SYNE1: variants seen among roughly 807,000 people sequenced by gnomAD.
SYNE1 encodes spectrin repeat containing nuclear envelope protein 1.
Under a neutral mutation model 1,111.0 loss-of-function variants are expected in SYNE1, and 616 were observed. The ratio of observed to expected loss-of-function variants is 0.55; its 90% CI spans 0.52 to 0.59. The LOEUF is 0.59. Among genes scored for constraint, SYNE1 ranks in the 20% least tolerant of loss-of-function variants. SYNE1 has a pLI of 0.00. For missense variants in SYNE1, 10,006 were observed against 10,417.0 expected, an observed-to-expected ratio of 0.96 and a Z score of 1.72; for synonymous variants, 3,855 against 3,825.8, an observed-to-expected ratio of 1.01 and a Z score of -0.28.
At chr6:152,154,275 T>C (rs2060950096) in intron 133 of SYNE1, among the ~76,000 whole-genome samples, 1 of 152,180 alleles carries the variant, frequency 6.6e-6, no homozygotes, top group South Asian at 2.1e-4. Context: ...TGGAATCAAT[T>C]CTTGGATAAC....
intron 82 of SYNE1, among the ~76,000 whole-genome samples, chr6:152,323,236 G>A: frequency 6.6e-6 from 1 of 152,094 alleles, no homozygotes; most frequent in Non-Finnish European, 1.5e-5. Context: ...GGATCACGAG[G>A]TCAGGAGATC....
intron 3 of SYNE1, among the ~76,000 whole-genome samples, chr6:152,597,052 T>C (rs1037689932): frequency 2.6e-5 from 4 of 152,210 alleles, no homozygotes; most frequent in Admixed American, 2.0e-4. Context: ...TAGGTATTTC[T>C]CTAATAGCAT....
At chr6:152,198,607 T>A (rs953043387) in intron 127 of SYNE1, among the ~76,000 whole-genome samples, 11 of 152,212 alleles carry the variant, frequency 7.2e-5, no homozygotes, top group African/African-American at 2.7e-4. Flanking sequence ...GACATGAGAT[T>A]TTTTTCAATT....
Position 152,308,554 on chromosome 6 carries a change from T to C in SYNE1, c.17281A>G (p.Ile5761Val). The C allele has an allele frequency of 1.2e-6, 2 of 1,613,988 alleles. No individual in the cohort carries two copies. Among genetic ancestry groups the C allele is most frequent in the Non-Finnish European group, 1.7e-6 (2 of 1,180,018 alleles). The change falls in exon 91 of 146, where the codon ATT becomes GTT. Residue 5761 changes from isoleucine (I) to valine (V), a missense_variant. By Grantham distance (29) the Ile-to-Val change is conservative (BLOSUM62 3). Transcript: ENST00000367255. ...QQLIEGAHREIEDKPVATSNI... is the reference protein window; with the variant it reads ...QQLIEGAHREVEDKPVATSNI... ...CTGGTGGCAACAGGTTTATCCTCAA[T>C]CTCTCTGTGAGCTCCTTCTATCAGT...
intron 49 of SYNE1, 105 bp downstream of exon 49, chr6:152,398,514 A>G (rs1234163567): frequency 1.1e-6 from 1 of 918,784 alleles, no homozygotes; most frequent in Non-Finnish European, 1.8e-6. Flanking sequence ...AGGGACGAGG[A>G]AAAGATTGGC....
intron 86 of SYNE1, among the ~76,000 whole-genome samples, chr6:152,317,557 G>A (rs2153897166): frequency 6.6e-6 from 1 of 152,208 alleles, no homozygotes; most frequent in Non-Finnish European, 1.5e-5. Flanking sequence ...GTAAGGAGGT[G>A]GCAAGTGGGG....
intron 101 of SYNE1, among the ~76,000 whole-genome samples, chr6:152,258,581 T>C (rs900064176): frequency 7.9e-5 from 12 of 152,280 alleles, no homozygotes; most frequent in African/African-American, 2.6e-4. Context: ...CCATCCTAAA[T>C]ACAAGACTCC....
Position 152,220,942 on chromosome 6 carries a change from G to T in SYNE1, c.21761C>A (p.Thr7254Lys). The T allele has an allele frequency of 1.2e-6, 2 of 1,614,154 alleles. No homozygotes were observed. The highest frequency in any genetic ancestry group is 1.7e-6 in the Non-Finnish European group (2 of 1,179,982). Reference protein sequence around the residue: ...YKDYSKQCASTVQQQEDRTNE... With the variant: ...YKDYSKQCASKVQQQEDRTNE... ...GGTTCGATCCTCCTGCTGCTGAACT[G>T]TCGAAGCACACTGTTTGGAGTAGTC... The change falls in exon 119 of 146, where the codon ACA becomes AAA. Residue 7254 changes from threonine to lysine, a missense_variant. This residue lies in a region of SYNE1 where 2,182 missense variants were observed against 2,287.8 expected (regional missense o/e 0.95). Coordinates refer to ENST00000367255, the MANE Select transcript of SYNE1 (RefSeq NM_182961.4).
chr6:152,211,736 G>T, intron 123 of SYNE1, 148 bp from the exon 124 acceptor site: 4 of 668,940 alleles, frequency 6.0e-6, no homozygotes, highest in Non-Finnish European at 1.0e-5. Context: ...CTGCAGTTTA[G>T]GAATCATTTA....
At chr6:152,402,416 TCTTC>T (rs2097836063) in intron 46 of SYNE1, 1 of 152,242 alleles carries the variant, frequency 6.6e-6, no homozygotes, top group African/African-American at 2.4e-5. Flanking sequence ...TATGGTGGTC[TCTTC>T]CTTTCTTTTC....
intron 2 of SYNE1, among the ~76,000 whole-genome samples, chr6:152,629,096 G>T (rs1253829928): frequency 6.6e-6 from 1 of 152,082 alleles, no homozygotes; most frequent in Non-Finnish European, 1.5e-5. Context: ...AGCCAAATGG[G>T]TATGATTTAG....
intron 127 of SYNE1, among the ~76,000 whole-genome samples, chr6:152,193,239 CA>C (rs968188125): frequency 6.6e-6 from 1 of 152,034 alleles, no homozygotes; most frequent in Non-Finnish European, 1.5e-5. Context: ...TGAATGTTTT[CA>C]GACTTGAGGT....
chr6:152,447,575 C>T lies in SYNE1; in HGVS notation c.3552G>A (p.Leu1184=), dbSNP rs373854945. 4 of 1,614,104 alleles carry T rather than the reference C, an allele frequency of 2.5e-6. No individual in the cohort carries two copies. In the African/African-American group the frequency reaches 5.3e-5, roughly 22 times the overall value. The part of the protein sequence containing the change: ...VTKRGETLSW[L]KSRLKVLTEV... ...CTGTCAAAACTTTCAGCCTGGATTT[C>T]AGCCAGCTGAGGGTCTCACCCCTTT... Residue 1184 remains leucine, a synonymous_variant, in exon 29 of 146, where the codon CTG becomes CTA. Transcript: ENST00000367255.
chr6:152,386,932 T>C (rs1209787857), intron 54 of SYNE1, 140 bp downstream of exon 54: 1 of 684,606 alleles, frequency 1.5e-6, no homozygotes, highest in Non-Finnish European at 2.3e-6. Flanking sequence ...CAAATAGTTT[T>C]AGAGCAGCCA....
At chr6:152,164,400 C>T in intron 130 of SYNE1, 75 bp from the exon 131 acceptor site, 1 of 1,561,252 alleles carries the variant, frequency 6.4e-7, no homozygotes, top group South Asian at 1.1e-5. Flanking sequence ...CAGAGGAGAA[C>T]ACTGGGCTTT....
Position 152,354,848 on chromosome 6 carries a change from C to A in SYNE1, c.10737G>T (p.Trp3579Cys). 1 of 1,614,194 alleles carries A rather than the reference C, an allele frequency of 6.2e-7. No individual in the cohort carries two copies. Among genetic ancestry groups the A allele is most frequent in the Non-Finnish European group, 8.5e-7 (1 of 1,180,046 alleles). ...CGGACAGCCTGTGCTGGTAAGCCTG[C>A]CAGTCTTGCCGGAGAGACTCTAAAG... ...DRALESLRQD[W>C]QAYQHRLSET... Residue 3579 changes from tryptophan to cysteine, a missense_variant, in exon 67 of 146, where the codon TGG (tryptophan) becomes TGT (cysteine). Physicochemically the swap from Trp to Cys is radical, Grantham distance 215. Coordinates refer to ENST00000367255, the MANE Select transcript of SYNE1 (RefSeq NM_182961.4).
chr6:152,507,937 A>T (rs2099066578), intron 8 of SYNE1, among the ~76,000 whole-genome samples: 1 of 152,218 alleles, frequency 6.6e-6, no homozygotes, highest in African/African-American at 2.4e-5. Flanking sequence ...ATACGAAAAC[A>T]GTGGATACAT....
chr6:152,387,582 T>C (rs2097543799), intron 53 of SYNE1, among the ~76,000 whole-genome samples: 1 of 152,176 alleles, frequency 6.6e-6, no homozygotes, highest in African/African-American at 2.4e-5. Context: ...ACAAAGTCAA[T>C]CTATATTAAA....
chr6:152,288,305 G>A (rs2094434646), intron 95 of SYNE1, among the ~76,000 whole-genome samples: 2 of 152,000 alleles, frequency 1.3e-5, no homozygotes, highest in South Asian at 4.1e-4. Context: ...CAAAGTCCTT[G>A]TTAGATCTCA....
Sources: allele counts gnomAD v4.1 joint callset (sites outside exome capture counted in the v4.1 genomes callset), GRCh38; gene constraint gnomAD v4.1.1; regional missense constraint gnomAD v4.1.1; transcripts MANE v1.5; gene names NCBI Gene and HGNC (gene_info 2026-07-23, HGNC 2026-07-21).